TRIM71: variants seen among roughly 807,000 people sequenced by gnomAD.
The protein encoded by TRIM71 is tripartite motif containing 71, also known as E3 ubiquitin-protein ligase TRIM71.
In TRIM71, 9 loss-of-function variants were observed where a neutral mutation model predicts 61.2. The observed-to-expected ratio is 0.15, with a 90% confidence interval of 0.09 to 0.26. The LOEUF (loss-of-function observed/expected upper bound fraction) is 0.26, where lower values mean the gene tolerates loss of function less well. TRIM71 is among the 10% of genes least tolerant of loss of function. TRIM71 has a pLI of 1.00. For synonymous variants in TRIM71, 645 were observed against 553.2 expected, an observed-to-expected ratio of 1.17 and a Z score of -2.33; for missense variants, 998 against 1,238.7, an observed-to-expected ratio of 0.81 and a Z score of 2.92.
chr3:32,843,844 AG>A (rs1332774074), intron 1 of TRIM71, among the ~76,000 whole-genome samples: 3 of 152,172 alleles, frequency 2.0e-5, no homozygotes, highest in Non-Finnish European at 2.9e-5. Flanking sequence ...AAAGCAAACC[AG>A]GGTGTGGGCA....
chr3:32,825,919 G>A (rs943053649), intron 1 of TRIM71, among the ~76,000 whole-genome samples: 1 of 152,100 alleles, frequency 6.6e-6, no homozygotes, highest in Admixed American at 6.5e-5. Context: ...AAACTGAGTT[G>A]ACTGAAACCA....
chr3:32,860,053 G>T (rs1696648582), intron 1 of TRIM71, among the ~76,000 whole-genome samples: 1 of 151,576 alleles, frequency 6.6e-6, no homozygotes, highest in Non-Finnish European at 1.5e-5. Flanking sequence ...CCTTTGTTGT[G>T]CTTTCTCTTT....
intron 1 of TRIM71, among the ~76,000 whole-genome samples, chr3:32,844,115 G>GTTATTTT (rs1696443607): frequency 1.3e-5 from 2 of 152,116 alleles, no homozygotes; most frequent in Admixed American, 6.6e-5. Flanking sequence ...TATTTTGTGT[G>GTTATTTT]GTTGTGTAAA....
rs1389020773 is a variant in TRIM71, at chr3:32,850,887, C to G, written c.853-22931C>G. On this transcript the variant is annotated intron_variant, in intron 1 of 3. Coordinates refer to ENST00000383763, the MANE Select transcript of TRIM71 (RefSeq NM_001039111.3). ...TCAGATCCCGAAATCTCAAGTCATT[C>G]TCCACCCCCACCACCCACCTCATTC... is the stretch of plus-strand genomic sequence containing the variant. 2.0e-5 allele frequency among the ~76,000 whole-genome samples: 3 copies of G among 152,294 alleles called. No homozygotes were observed. In the East Asian group the frequency reaches 5.8e-4, roughly 29 times the overall value.
chr3:32,826,315 G>C (rs924154609), intron 1 of TRIM71, among the ~76,000 whole-genome samples: 1 of 151,974 alleles, frequency 6.6e-6, no homozygotes, highest in Non-Finnish European at 1.5e-5. Flanking sequence ...AAAATTAGCC[G>C]GACGAATCCC....
chr3:32,860,642 C>T (rs1194618368), intron 1 of TRIM71, among the ~76,000 whole-genome samples: 1 of 152,144 alleles, frequency 6.6e-6, no homozygotes, highest in East Asian at 1.9e-4. Context: ...CGACTCTTAA[C>T]CTGCCCAGTA....
chr3:32,844,387 C>G (rs1696446771), intron 1 of TRIM71, among the ~76,000 whole-genome samples: 1 of 152,166 alleles, frequency 6.6e-6, no homozygotes, highest in Non-Finnish European at 1.5e-5. Context: ...AATTGTCAGT[C>G]ATAACTTCAC....
Position 32,893,447 on chromosome 3 carries a change from T to C in TRIM71, c.*1636T>C, listed in dbSNP as rs1334657121. ...TCAAGTGCAAAGCAGATGTAGCTGA[T>C]ACCCTGCTTGTCAGAACCCAGTGGG... On this transcript the variant is annotated 3_prime_UTR_variant, in exon 4 of 4. Transcript: ENST00000383763. 6.6e-6 allele frequency: 1 copy of C among 152,174 alleles called. No homozygotes were observed. The highest frequency in any genetic ancestry group is 1.5e-5 in the Non-Finnish European group (1 of 68,046). The allele number at this position is 152,174 out of a possible 1,614,324, so 9.4% of individuals were successfully genotyped here.
chr3:32,877,759 TTC>T (rs949340474), intron 2 of TRIM71, among the ~76,000 whole-genome samples: 2 of 152,138 alleles, frequency 1.3e-5, no homozygotes, highest in Admixed American at 6.5e-5. Context: ...CTAATTCTAG[TTC>T]TCTTTGTATT....
chr3:32,818,790 A>G lies in TRIM71; in HGVS notation c.710A>G (p.Tyr237Cys), dbSNP rs1391519248. The G allele has an allele frequency of 1.9e-6, 3 of 1,608,374 alleles. No individual in the cohort carries two copies. Among genetic ancestry groups the G allele is most frequent in the South Asian group, 1.1e-5 (1 of 90,814 alleles). The change falls in exon 1 of 4, where the codon TAC (tyrosine) becomes TGC (cysteine). Residue 237 changes from tyrosine to cysteine, a missense_variant. Transcript: ENST00000383763. ...CGCGTGCGCCTCACCAAGGACCACT[A>G]CATCGAGCGCGGCCCGCCGGGTCCC... is the stretch of plus-strand genomic sequence containing the variant. ...HQRVRLTKDH[Y>C]IERGPPGPGA...
intron 1 of TRIM71, among the ~76,000 whole-genome samples, chr3:32,843,266 A>C (rs1001333235): frequency 2.0e-5 from 3 of 152,072 alleles, no homozygotes; most frequent in Non-Finnish European, 4.4e-5. Context: ...GGTGGGAGAA[A>C]TGTGAAGGTA....
At chr3:32,834,465 T>C (rs149905342) in intron 1 of TRIM71, among the ~76,000 whole-genome samples, 3 of 152,182 alleles carry the variant, frequency 2.0e-5, no homozygotes, top group African/African-American at 4.8e-5. Flanking sequence ...CATACACAAA[T>C]GTTAACATAC....
chr3:32,864,845 GGTGTGTGTGTGTGTGTGTGTGTGTGT>G (rs10522411), intron 1 of TRIM71, among the ~76,000 whole-genome samples: 23 of 146,442 alleles, frequency 1.6e-4, no homozygotes, highest in African/African-American at 4.3e-4. Context: ...AAAATTAAGT[GGTGTGTGTGTGTGTGTGTGTGTGTGT>G]GTGTGTGTGT....
At chr3:32,883,506 C>T (rs939004115) in intron 2 of TRIM71, among the ~76,000 whole-genome samples, 3 of 152,214 alleles carry the variant, frequency 2.0e-5, no homozygotes, top group Non-Finnish European at 4.4e-5. Flanking sequence ...TTGGTCTTCA[C>T]GTGGCTTTGT....
chr3:32,842,844 T>C (rs994625786), intron 1 of TRIM71, among the ~76,000 whole-genome samples: 2 of 152,010 alleles, frequency 1.3e-5, no homozygotes, highest in Non-Finnish European at 2.9e-5. Flanking sequence ...GAGGAAGTGG[T>C]TAATCCCCAC....
chr3:32,876,328 A>G (rs1696852203), intron 2 of TRIM71, among the ~76,000 whole-genome samples: 1 of 152,132 alleles, frequency 6.6e-6, no homozygotes, highest in Admixed American at 6.5e-5. Context: ...TCAAACCTGT[A>G]ATCCCAGCAC....
At position 32,895,229 on chromosome 3, in the gene TRIM71, G is replaced by A. The variant is rs1448248606; in HGVS notation, c.*3418G>A. Reference sequence around the variant, plus strand: ...AGTTGACTAGAGCACAGTGACCTGGGTTGTACCCCAAGTGCACTAACTCCT... The same window carrying A: ...AGTTGACTAGAGCACAGTGACCTGGATTGTACCCCAAGTGCACTAACTCCT... On this transcript the variant is annotated 3_prime_UTR_variant, in exon 4 of 4. Coordinates refer to ENST00000383763, the MANE Select transcript of TRIM71 (RefSeq NM_001039111.3). 6.6e-6 allele frequency: 1 copy of A among 152,188 alleles called. No individual in the cohort carries two copies. Among genetic ancestry groups the A allele is most frequent in the African/African-American group, 2.4e-5 (1 of 41,444 alleles). The allele number at this position is 152,188 out of a possible 1,614,324, so 9.4% of individuals were successfully genotyped here. A position where few individuals can be genotyped will look rare whatever the true frequency, so the allele number is the denominator to read the frequency against.
rs550523150 is a variant in TRIM71, at chr3:32,883,062, A to T, written c.1021-2872A>T. ...CTCTTTGCCCCAGCAGTTCTCCCAT[A>T]CCTGTTTAACCATTTCCCTATGCTA... On this transcript the variant is annotated intron_variant, in intron 2 of 3. Coordinates refer to ENST00000383763, the MANE Select transcript of TRIM71 (RefSeq NM_001039111.3). Among the ~76,000 whole-genome samples, 25 of 152,160 alleles carry T rather than the reference A, an allele frequency of 1.6e-4. 1 individual carries two copies. In the East Asian group the frequency reaches 4.8e-3, roughly 29 times the overall value.
chr3:32,843,676 C>T (rs778241335), intron 1 of TRIM71, among the ~76,000 whole-genome samples: 1 of 152,186 alleles, frequency 6.6e-6, no homozygotes, highest in Non-Finnish European at 1.5e-5. Context: ...TGCCCGCCTG[C>T]GTGCTTATCC....
Sources: allele counts gnomAD v4.1 joint callset (sites outside exome capture counted in the v4.1 genomes callset), GRCh38; gene constraint gnomAD v4.1.1; transcripts MANE v1.5; gene names NCBI Gene and HGNC (gene_info 2026-07-23, HGNC 2026-07-21).